The following CARMIL1 variants were observed in gnomAD, a reference collection of about 807,000 sequenced individuals.
CARMIL1 encodes capping protein regulator and myosin 1 linker 1, also known as F-actin-uncapping protein LRRC16A.
Under a neutral mutation model 177.1 loss-of-function variants are expected in CARMIL1, and 90 were observed. The ratio of observed to expected loss-of-function variants is 0.51; its 90% CI spans 0.43 to 0.61. CARMIL1 has a LOEUF of 0.61. Ranked by LOEUF, CARMIL1 falls within the 20% of genes least tolerant of loss-of-function variation. CARMIL1 has a pLI of 0.00. For synonymous variants in CARMIL1, 577 were observed against 606.2 expected, an observed-to-expected ratio of 0.95 and a Z score of 0.71; for missense variants, 1,380 against 1,667.0, an observed-to-expected ratio of 0.83 and a Z score of 3.00.
intron 2 of CARMIL1, among the ~76,000 whole-genome samples, chr6:25,385,334 A>G (rs187888256): frequency 3.9e-4 from 59 of 152,322 alleles, no homozygotes; most frequent in African/African-American, 1.4e-3. Context: ...GGGGAAGTCT[A>G]TGAACGGGAT....
intron 2 of CARMIL1, among the ~76,000 whole-genome samples, chr6:25,291,097 C>G (rs752197867): frequency 1.3e-5 from 2 of 152,296 alleles, no homozygotes; most frequent in East Asian, 1.9e-4. Context: ...TAGGCATGAG[C>G]CAATGCACCA....
intron 36 of CARMIL1, among the ~76,000 whole-genome samples, chr6:25,611,133 G>A (rs574838974): frequency 1.1e-4 from 16 of 152,208 alleles, no homozygotes; most frequent in Admixed American, 4.6e-4. Context: ...ACTGAGTACT[G>A]TCTTTGTGGC....
intron 26 of CARMIL1, among the ~76,000 whole-genome samples, chr6:25,540,392 A>G (rs1474061577): frequency 3.3e-5 from 5 of 152,218 alleles, no homozygotes; most frequent in African/African-American, 1.2e-4. Flanking sequence ...TGTTATTAAC[A>G]TCTGATTTAG....
rs978312119 is a variant in CARMIL1 at position 25,529,443 on chromosome 6, A to T, written c.2067+550A>T. 5.9e-5 allele frequency among the ~76,000 whole-genome samples: 9 copies of T among 152,332 alleles called. 1 individual carries two copies. Among genetic ancestry groups the T allele is most frequent in the Non-Finnish European group, 5.9e-5 (4 of 68,042 alleles). On this transcript the variant is annotated intron_variant, in intron 24 of 36. Coordinates refer to ENST00000329474, the MANE Select transcript of CARMIL1 (RefSeq NM_017640.6). The stretch of plus-strand genomic sequence containing the variant: ...CAAAGAAACAGAATTATAATAATTT[A>T]AAAAAATGTGAAATATTTCTTTTCC...
Position 25,519,977 on chromosome 6 carries a change from CA to C in CARMIL1, c.1875-263del, listed in dbSNP as rs113945407. On this transcript the variant is annotated intron_variant, in intron 22 of 36. Coordinates refer to ENST00000329474, the MANE Select transcript of CARMIL1 (RefSeq NM_017640.6). ...TGAAAATTCTGTCCTTGATGGAATC[CA>C]AAATTAAAAACAAAACAACAAAACT... 3.9e-3 allele frequency among the ~76,000 whole-genome samples: 596 copies of C among 152,174 alleles called. 4 individuals are homozygous for C. Among genetic ancestry groups the C allele is most frequent in the African/African-American group, 0.013 (554 of 41,506 alleles).
chr6:25,594,435 C>T lies in CARMIL1; in HGVS notation c.3027C>T (p.Val1009=). 6.2e-7 allele frequency: 1 copy of T among 1,612,120 alleles called. No homozygotes were observed. Among genetic ancestry groups the T allele is most frequent in the African/African-American group, 1.3e-5 (1 of 74,944 alleles). The change falls in exon 32 of 37, where the codon GTC becomes GTT. Residue 1009 remains valine, a synonymous_variant. Coordinates refer to ENST00000329474, the MANE Select transcript of CARMIL1 (RefSeq NM_017640.6). Reference sequence around the variant, plus strand: ...TGCAGGTCTGTGCTGCCAACATAGTCTCACAAGATGGTGAACAGAATGGTC... The same window carrying T: ...TGCAGGTCTGTGCTGCCAACATAGTTTCACAAGATGGTGAACAGAATGGTC... ...TQAAVCAANI[V]SQDGEQNGLM...
rs551573548 is a variant in CARMIL1 at position 25,331,023 on chromosome 6, A to G, written c.138+46114A>G. 1.7e-4 allele frequency among the ~76,000 whole-genome samples: 26 copies of G among 151,878 alleles called. No homozygotes were observed. In the East Asian group the frequency reaches 4.8e-3, roughly 28 times the overall value. ...AGAAAGAAGAAATTTGTTTGCTTAT[A>G]ATATTGTTTCTATGGGAAATCATTC... On this transcript the variant is annotated intron_variant, in intron 2 of 36. Coordinates refer to ENST00000329474, the MANE Select transcript of CARMIL1 (RefSeq NM_017640.6).
At chr6:25,596,053 T>C (rs942977165) in intron 32 of CARMIL1, among the ~76,000 whole-genome samples, 1 of 152,192 alleles carries the variant, frequency 6.6e-6, no homozygotes, top group Non-Finnish European at 1.5e-5. Flanking sequence ...AGGTGGTTTA[T>C]AAGCATTCGA....
intron 2 of CARMIL1, among the ~76,000 whole-genome samples, chr6:25,413,956 A>T (rs1418827666): frequency 2.6e-5 from 4 of 152,232 alleles, no homozygotes; most frequent in Admixed American, 1.3e-4. Context: ...TTATTAAAAA[A>T]TTCAGTAGGT....
At chr6:25,315,971 G>A (rs7756143) in intron 2 of CARMIL1, among the ~76,000 whole-genome samples, 31,635 of 152,074 alleles carry the variant, frequency 0.21, 4,234 homozygotes, top group East Asian at 0.4. Context: ...CATTACACTT[G>A]AGAAACACTG....
At chr6:25,390,604 G>A (rs1041963226) in intron 2 of CARMIL1, among the ~76,000 whole-genome samples, 1 of 151,984 alleles carries the variant, frequency 6.6e-6, no homozygotes, top group South Asian at 2.1e-4. Flanking sequence ...TTACAAGCAT[G>A]AGCCACTGCA....
chr6:25,477,003 C>T (rs562147970), intron 11 of CARMIL1, among the ~76,000 whole-genome samples: 25 of 150,470 alleles, frequency 1.7e-4, no homozygotes, highest in Admixed American at 2.7e-4. Flanking sequence ...GCAGGAGAAT[C>T]GCTTGAATCA....
intron 10 of CARMIL1, 93 bp from the exon 11 acceptor site, chr6:25,472,334 C>G (rs1467361307): frequency 1.2e-6 from 1 of 830,232 alleles, no homozygotes; most frequent in African/African-American, 1.7e-5. Context: ...GGAGGTTTCT[C>G]TATTTAGATT....
At chr6:25,540,217 G>C in intron 26 of CARMIL1, 139 bp downstream of exon 26, 2 of 770,006 alleles carry the variant, frequency 2.6e-6, no homozygotes, top group Non-Finnish European at 3.7e-6. Flanking sequence ...TGAATACTGT[G>C]TCTTTTCCAG....
At chr6:25,349,650 G>T (rs192265543) in intron 2 of CARMIL1, among the ~76,000 whole-genome samples, 300 of 152,080 alleles carry the variant, frequency 2.0e-3, no homozygotes, top group African/African-American at 6.9e-3. Flanking sequence ...ATGATCACAT[G>T]GCCCTGAGGC....
intron 30 of CARMIL1, 78 bp downstream of exon 30, chr6:25,581,068 T>A: frequency 7.1e-7 from 1 of 1,418,232 alleles, no homozygotes; most frequent in Non-Finnish European, 9.7e-7. Context: ...ATTTTAGGGA[T>A]GTTCCTTATG....
At chr6:25,372,135 G>A (rs55691071) in intron 2 of CARMIL1, among the ~76,000 whole-genome samples, 4,462 of 152,074 alleles carry the variant, frequency 0.029, 81 homozygotes, top group Middle Eastern at 0.095. Context: ...TACCTATACC[G>A]TGCTGTTTTG....
chr6:25,538,387 T>A (rs1808527979), intron 25 of CARMIL1, among the ~76,000 whole-genome samples: 1 of 152,208 alleles, frequency 6.6e-6, no homozygotes, highest in African/African-American at 2.4e-5. Context: ...AGGACTTAAC[T>A]GTGAGTCAGA....
intron 31 of CARMIL1, among the ~76,000 whole-genome samples, chr6:25,583,834 G>A (rs546601733): frequency 7.7e-5 from 10 of 130,620 alleles, no homozygotes; most frequent in South Asian, 2.7e-4. Context: ...CCCCCCACCC[G>A]CCTCCCGCCC....
Sources: gnomAD v4.1 joint callset for allele counts (sites outside exome capture counted in the v4.1 genomes callset) on GRCh38, gnomAD v4.1.1 for gene constraint, MANE v1.5 for transcripts, NCBI Gene and HGNC (gene_info 2026-07-23, HGNC 2026-07-21) for gene names.